The following SCAF8 variants were observed in gnomAD, a reference collection of about 807,000 sequenced individuals.
SCAF8 encodes the protein SR-related and CTD-associated factor 8.
A neutral mutation model predicts 140.5 loss-of-function variants in SCAF8; 23 were observed. That is an observed-to-expected ratio of 0.16 (90% CI 0.12 to 0.23). The LOEUF is 0.23. Among genes scored for constraint, SCAF8 ranks in the 10% least tolerant of loss-of-function variants. The pLI, the probability that SCAF8 is intolerant of heterozygous loss-of-function variation, is 1.00. For missense variants in SCAF8, 1,397 were observed against 1,555.7 expected (o/e 0.90, Z 1.72); for synonymous variants, 575 against 528.9 (o/e 1.09, Z -1.20).
At chr6:154,781,260 T>C (rs1485199559) in intron 3 of SCAF8, among the ~76,000 whole-genome samples, 2 of 152,060 alleles carry the variant, frequency 1.3e-5, no homozygotes, top group African/African-American at 4.8e-5. Context: ...GAGAATAAAA[T>C]ACCTAGGAAT....
At chr6:154,762,317 C>T (rs1259683001) in intron 1 of SCAF8, among the ~76,000 whole-genome samples, 1 of 152,192 alleles carries the variant, frequency 6.6e-6, no homozygotes, top group Non-Finnish European at 1.5e-5. Flanking sequence ...ACTTCGGGCC[C>T]TCTTCCAAAT....
At position 154,792,823 on chromosome 6, in the gene SCAF8, A is replaced by G. The variant is rs1562448642; in HGVS notation, c.322A>G (p.Ser108Gly). The G allele has an allele frequency of 6.3e-7, 1 of 1,592,228 alleles. No homozygotes were observed. Among genetic ancestry groups the G allele is most frequent in the Non-Finnish European group, 8.5e-7 (1 of 1,170,034 alleles). The change falls in exon 5 of 20, where the codon AGT (serine) becomes GGT (glycine). Residue 108 changes from serine (S) to glycine (G), a missense_variant and splice_region_variant. Ser to Gly is a moderately conservative substitution (Grantham distance 56, BLOSUM62 0). This residue lies in a region of SCAF8 where 43 missense variants were observed against 142.1 expected (regional missense o/e 0.30). Coordinates refer to ENST00000367178, the MANE Select transcript of SCAF8 (RefSeq NM_014892.5). ...NLYRCPGDDK[S>G]KIVRVLNLWQ... ...ATGTCATGTTTCTTTTTTTCTCTAG[A>G]GTAAAATAGTGAGAGTACTAAACTT...
In SCAF8 at chr6:154,777,994, CTT is replaced by C; in HGVS notation, c.115-4_115-3del. The C allele has an allele frequency of 6.7e-7, 1 of 1,488,686 alleles. No individual in the cohort carries two copies. The highest frequency in any genetic ancestry group is 9.3e-7 in the Non-Finnish European group (1 of 1,073,406). 92.2% of individuals were successfully genotyped at this position (1,488,686 alleles called of 1,614,324 possible). A position where few individuals can be genotyped will look rare whatever the true frequency, so the allele number is the denominator to read the frequency against. ...TAAAACCATACTTCATTTTTTTCCT[CTT>C]TTAGTTCTATAAACATGTGGTACAG... is the stretch of plus-strand genomic sequence containing the variant. On this transcript the variant is annotated splice_polypyrimidine_tract_variant and splice_region_variant and intron_variant, in intron 2 of 19. Transcript: ENST00000367178.
In SCAF8 at chr6:154,733,923, A is replaced by G; in HGVS notation, c.23A>G (p.Asn8Ser). The G allele has an allele frequency of 7.8e-6, 12 of 1,536,250 alleles. No homozygotes were observed. Among genetic ancestry groups the G allele is most frequent in the East Asian group, 2.7e-5 (1 of 37,292 alleles). The change falls in exon 1 of 20, where the codon AAT becomes AGT. Residue 8 changes from asparagine (N) to serine (S), a missense_variant. Physicochemically the swap from Asn to Ser is conservative, Grantham distance 46 (BLOSUM62 1). Coordinates refer to ENST00000367178, the MANE Select transcript of SCAF8 (RefSeq NM_014892.5). MEAVKTF[N>S]SELYSLNDYK... ...AACATGGAGGCCGTGAAGACCTTCA[A>G]TAGCGAGGTTGGTATGGCAGCCGGG...
At chr6:154,806,019 T>G (rs1256528261) in intron 9 of SCAF8, among the ~76,000 whole-genome samples, 1 of 152,172 alleles carries the variant, frequency 6.6e-6, no homozygotes, top group Non-Finnish European at 1.5e-5. Context: ...GACTCCCATT[T>G]TATCCCAGAG....
In SCAF8 at chr6:154,831,847, A is replaced by G. The variant is rs191152181; in HGVS notation, c.2360-92A>G. 3.9e-6 allele frequency: 4 copies of G among 1,027,408 alleles called. No individual in the cohort carries two copies. In the African/African-American group the frequency reaches 4.9e-5, roughly 13 times the overall value. 63.6% of individuals were successfully genotyped at this position (1,027,408 alleles called of 1,614,324 possible). ...GTCATGTAGTAGCTAATGTACCTTG[A>G]TTATTGGGGGATACAAGTAGCTGAT... is the stretch of plus-strand genomic sequence containing the variant. On this transcript the variant is annotated intron_variant, in intron 19 of 19. Coordinates refer to ENST00000367178, the MANE Select transcript of SCAF8 (RefSeq NM_014892.5).
chr6:154,788,749 A>G (rs1275682669), intron 4 of SCAF8, among the ~76,000 whole-genome samples: 1 of 152,222 alleles, frequency 6.6e-6, no homozygotes, highest in Non-Finnish European at 1.5e-5. Context: ...TATGTGTAAG[A>G]TCCAAATGTG....
intron 1 of SCAF8, among the ~76,000 whole-genome samples, chr6:154,760,094 C>T (rs1416805103): frequency 6.6e-6 from 1 of 152,072 alleles, no homozygotes; most frequent in Admixed American, 6.6e-5. Context: ...AGTTAAAGAC[C>T]AGCCTGGCCA....
At chr6:154,805,326 T>G in intron 8 of SCAF8, 43 bp from the exon 9 acceptor site, 4 of 1,144,278 alleles carry the variant, frequency 3.5e-6, no homozygotes, top group Non-Finnish European at 5.2e-6. Context: ...CATAGTATCT[T>G]TAGTGGGTTT....
At chr6:154,799,790 T>G (rs1777717206) in intron 6 of SCAF8, among the ~76,000 whole-genome samples, 1 of 151,034 alleles carries the variant, frequency 6.6e-6, no homozygotes, top group Non-Finnish European at 1.5e-5. Context: ...TATTTATTTA[T>G]TTATTTATTT....
At chr6:154,776,425 C>G (rs1776920306) in intron 2 of SCAF8, among the ~76,000 whole-genome samples, 1 of 152,000 alleles carries the variant, frequency 6.6e-6, no homozygotes, top group Admixed American at 6.6e-5. Flanking sequence ...GTTAACATTG[C>G]ATTGTCAACA....
intron 9 of SCAF8, among the ~76,000 whole-genome samples, 158 bp downstream of exon 9, chr6:154,805,644 T>C (rs183483561): frequency 6.6e-6 from 1 of 152,164 alleles, no homozygotes; most frequent in East Asian, 1.9e-4. Context: ...TTCTAAAGTT[T>C]GTTATGGTGA....
At chr6:154,802,171 A>C in intron 7 of SCAF8, 24 bp downstream of exon 7, 1 of 1,439,902 alleles carries the variant, frequency 6.9e-7, no homozygotes, top group Non-Finnish European at 9.4e-7. Flanking sequence ...TATCGGATCA[A>C]GTCTATATGA....
At chr6:154,789,690 CT>C (rs1475600111) in intron 4 of SCAF8, among the ~76,000 whole-genome samples, 2 of 151,890 alleles carry the variant, frequency 1.3e-5, no homozygotes, top group Non-Finnish European at 2.9e-5. Flanking sequence ...GGACTACAGG[CT>C]TATGCCACCC....
intron 12 of SCAF8, among the ~76,000 whole-genome samples, chr6:154,814,862 G>A (rs1391166202): frequency 6.6e-6 from 1 of 152,144 alleles, no homozygotes; most frequent in African/African-American, 2.4e-5. Flanking sequence ...CTTTCAAGGG[G>A]TTAAGGGGTT....
Position 154,833,602 on chromosome 6 carries a change from T to A in SCAF8, c.*207T>A, listed in dbSNP as rs558833952. 93 of 422,566 alleles carry A rather than the reference T, an allele frequency of 2.2e-4. No individual in the cohort carries two copies. The highest frequency in any genetic ancestry group is 4.1e-4 in the African/African-American group (20 of 48,828). 26.2% of individuals were successfully genotyped at this position (422,566 alleles called of 1,614,324 possible). On this transcript the variant is annotated 3_prime_UTR_variant, in exon 20 of 20. Transcript: ENST00000367178. ...GAACATGGTAGGTAAACTTTTTTTT[T>A]ATTTTTTTCTGATAAAATACAAATG... is the stretch of plus-strand genomic sequence containing the variant.
At chr6:154,735,927 A>G (rs1023402874) in intron 1 of SCAF8, among the ~76,000 whole-genome samples, 1 of 151,366 alleles carries the variant, frequency 6.6e-6, no homozygotes, top group Non-Finnish European at 1.5e-5. Flanking sequence ...CCCGGGCCCA[A>G]GGGGTCCTCC....
chr6:154,796,383 C>CTGTCTGTCTGTCTG (rs1306103519), intron 6 of SCAF8, among the ~76,000 whole-genome samples: 1 of 144,022 alleles, frequency 6.9e-6, no homozygotes, highest in African/African-American at 2.7e-5. Flanking sequence ...CTCTCTCTCT[C>CTGTCTGTCTGTCTG]TCTCTCTCTG....
chr6:154,803,077 TAG>T lies in SCAF8; in HGVS notation c.784-465_784-464del, dbSNP rs370098888. On this transcript the variant is annotated intron_variant, in intron 7 of 19. Transcript: ENST00000367178. ...GATACTGATTTATTGGATTATTACT[TAG>T]ACTGTTTTGGCCAGCAGCTTCTAAG... 1.9e-3 allele frequency among the ~76,000 whole-genome samples: 296 copies of T among 152,312 alleles called. 1 individual carries two copies. Among genetic ancestry groups the T allele is most frequent in the African/African-American group, 6.6e-3 (276 of 41,574 alleles).
Sources: gnomAD v4.1 joint callset for allele counts (sites outside exome capture counted in the v4.1 genomes callset) on GRCh38, gnomAD v4.1.1 for gene constraint, gnomAD v4.1.1 regional missense constraint, MANE v1.5 for transcripts, NCBI Gene and HGNC (gene_info 2026-07-23, HGNC 2026-07-21) for gene names.